Variants in UBE2V2 observed in about 807,000 individuals in gnomAD.
UBE2V2 encodes the protein ubiquitin conjugating enzyme E2 V2, also known as ubiquitin-conjugating enzyme E2 variant 2.
Under a neutral mutation model 17.2 loss-of-function variants are expected in UBE2V2, and 9 were observed. The ratio of observed to expected loss-of-function variants is 0.52; its 90% CI spans 0.32 to 0.91. The LOEUF (loss-of-function observed/expected upper bound fraction) is 0.91. Among genes scored for constraint, UBE2V2 ranks in the 40% least tolerant of loss-of-function variants. The probability of loss-of-function intolerance (pLI) is 0.04; values close to 1 mark genes in which losing one functional copy is unlikely to be tolerated. For missense variants in UBE2V2, 133 were observed against 182.6 expected, an observed-to-expected ratio of 0.73 and a Z score of 1.56; for synonymous variants, 61 against 57.5, an observed-to-expected ratio of 1.06 and a Z score of -0.28.
the UBE2V2 span, among the ~76,000 whole-genome samples, chr8:47,997,767 C>T: frequency 2.6e-5 from 4 of 151,464 alleles, no homozygotes; most frequent in Admixed American, 6.6e-5. Context: ...GGGGTGGAGA[C>T]GGGGAGGACT....
intron 1 of UBE2V2, chr8:48,034,918 A>G (rs1589858030): frequency 1.8e-6 from 1 of 546,524 alleles, no homozygotes; most frequent in Non-Finnish European, 2.3e-6. Context: ...GTTGCCCGGG[A>G]CGCCTTGCTC....
chr8:48,021,043 C>T (rs997481146), intron 1 of UBE2V2, among the ~76,000 whole-genome samples: 10 of 150,462 alleles, frequency 6.6e-5, no homozygotes, highest in Admixed American at 2.7e-4. Flanking sequence ...ACTCTGCTGG[C>T]TTGTTATTGC....
chr8:48,049,506 A>G (rs549236609), intron 2 of UBE2V2: 1 of 187,144 alleles, frequency 5.3e-6, no homozygotes, highest in African/African-American at 2.4e-5. Flanking sequence ...AGCAAAATCT[A>G]AATTTAAGTG....
the UBE2V2 span, among the ~76,000 whole-genome samples, chr8:48,000,603 C>T: frequency 4.6e-5 from 7 of 151,770 alleles, no homozygotes; most frequent in East Asian, 5.8e-4. Context: ...GGGCAGATCA[C>T]GAGGTCAGGA....
At chr8:48,009,817 C>T (rs1057077760) in intron 1 of UBE2V2, among the ~76,000 whole-genome samples, 6 of 152,030 alleles carry the variant, frequency 3.9e-5, no homozygotes. Context: ...TTTAGCAGTT[C>T]TAGTGTTGGG....
chr8:48,060,840 C>A lies in UBE2V2; in HGVS notation c.*12C>A, dbSNP rs1442473594. 1 of 1,496,546 alleles carries A rather than the reference C, an allele frequency of 6.7e-7. No individual in the cohort carries two copies. The highest frequency in any genetic ancestry group is 1.4e-5 in the African/African-American group (1 of 70,276). 92.7% of individuals were successfully genotyped at this position (1,496,546 alleles called of 1,614,324 possible). A position where few individuals can be genotyped will look rare whatever the true frequency, so the allele number is the denominator to read the frequency against. ...CATACAACAATTAATTTTAGTGGAT[C>A]TCAAACTTGTCTTAAATCAACAACC... On this transcript the variant is annotated 3_prime_UTR_variant, in exon 4 of 4. Coordinates refer to ENST00000523111, the MANE Select transcript of UBE2V2 (RefSeq NM_003350.3).
the UBE2V2 span, among the ~76,000 whole-genome samples, chr8:47,998,690 G>A: frequency 6.6e-6 from 1 of 151,662 alleles, no homozygotes; most frequent in East Asian, 1.9e-4. Context: ...GAGAGAGAGA[G>A]AAAGAGAGAG....
the UBE2V2 span, among the ~76,000 whole-genome samples, chr8:47,997,922 G>A: frequency 6.6e-6 from 1 of 151,968 alleles, no homozygotes; most frequent in Non-Finnish European, 1.5e-5. Context: ...CGAAGTCATC[G>A]GCTGGGGCTA....
At chr8:48,003,156 G>C in the UBE2V2 span, among the ~76,000 whole-genome samples, 1 of 150,166 alleles carries the variant, frequency 6.7e-6, no homozygotes, top group Non-Finnish European at 1.5e-5. Flanking sequence ...GTTGCAGTGA[G>C]CCAAGATTGC....
At chr8:48,033,285 C>A (rs1347457404) in intron 1 of UBE2V2, among the ~76,000 whole-genome samples, 1 of 151,900 alleles carries the variant, frequency 6.6e-6, no homozygotes, top group Non-Finnish European at 1.5e-5. Context: ...CTCCCAGGTT[C>A]AAGCGATTCT....
chr8:48,055,766 CTT>C (rs11299073), intron 3 of UBE2V2, among the ~76,000 whole-genome samples: 311 of 121,534 alleles, frequency 2.6e-3, no homozygotes, highest in Middle Eastern at 4.4e-3. Flanking sequence ...CACTTTCTGT[CTT>C]TTTTTTTTTT....
At chr8:48,014,576 C>G (rs1212806477) in intron 1 of UBE2V2, among the ~76,000 whole-genome samples, 2 of 144,232 alleles carry the variant, frequency 1.4e-5, no homozygotes, top group South Asian at 2.1e-4. Context: ...ACCTGGGAGT[C>G]GAAGCTTGCA....
upstream of UBE2V2, among the ~76,000 whole-genome samples, chr8:48,003,479 T>C (rs1004138711): frequency 9.2e-5 from 14 of 152,098 alleles, no homozygotes; most frequent in African/African-American, 3.4e-4. Context: ...AGCATGAAAA[T>C]GTCAAGGCAA....
At chr8:48,005,501 T>C (rs1439655707), upstream of UBE2V2, among the ~76,000 whole-genome samples, 1 of 152,206 alleles carries the variant, frequency 6.6e-6, no homozygotes, top group Non-Finnish European at 1.5e-5. Flanking sequence ...GTCTTTATAG[T>C]AGAATGATTT....
At chr8:48,023,472 T>C (rs2091319116) in intron 1 of UBE2V2, among the ~76,000 whole-genome samples, 1 of 151,958 alleles carries the variant, frequency 6.6e-6, no homozygotes, top group Non-Finnish European at 1.5e-5. Context: ...TGCCTCGGCC[T>C]CCCAAAGTGC....
At chr8:48,035,057 A>ACAAGGTGAGTG in intron 1 of UBE2V2, 1 of 983,110 alleles carries the variant, frequency 1.0e-6, no homozygotes, top group African/African-American at 1.8e-5. Context: ...CATTCCTCTT[A>ACAAGGTGAGTG]CAAGGTGAGT....
At chr8:48,053,215 T>A (rs999153762) in intron 3 of UBE2V2, among the ~76,000 whole-genome samples, 1 of 152,086 alleles carries the variant, frequency 6.6e-6, no homozygotes, top group African/African-American at 2.4e-5. Context: ...TTATTGATGT[T>A]CCAACTTGAA....
At chr8:48,025,602 T>TC (rs750260864) in intron 1 of UBE2V2, among the ~76,000 whole-genome samples, 7 of 148,596 alleles carry the variant, frequency 4.7e-5, no homozygotes, top group Non-Finnish European at 8.9e-5. Context: ...CTTTTTTTTT[T>TC]CTTTCTTTTT....
intron 2 of UBE2V2, among the ~76,000 whole-genome samples, chr8:48,046,635 T>C (rs2091501285): frequency 6.6e-6 from 1 of 152,072 alleles, no homozygotes; most frequent in Admixed American, 6.5e-5. Context: ...AGTCTCACTC[T>C]GTCAACCAGG....
Sources: allele counts gnomAD v4.1 joint callset (sites outside exome capture counted in the v4.1 genomes callset), GRCh38; gene constraint gnomAD v4.1.1; transcripts MANE v1.5; gene names NCBI Gene and HGNC (gene_info 2026-07-23, HGNC 2026-07-21).